The following TRPC7 variants were observed in gnomAD, a reference collection of about 807,000 sequenced individuals.
The protein encoded by TRPC7 is transient receptor potential cation channel subfamily C member 7, also known as short transient receptor potential channel 7.
A neutral mutation model predicts 90.1 loss-of-function variants in TRPC7; 42 were observed. The ratio of observed to expected loss-of-function variants is 0.47; its 90% CI spans 0.36 to 0.60. The LOEUF (loss-of-function observed/expected upper bound fraction) is 0.60, where lower values mean the gene tolerates loss of function less well. TRPC7 is among the 20% of genes least tolerant of loss of function. The pLI is 0.00. For missense variants in TRPC7, 955 were observed against 1,112.3 expected (o/e 0.86, Z 2.01); for synonymous variants, 451 against 436.3 (o/e 1.03, Z -0.42).
intron 2 of TRPC7, among the ~76,000 whole-genome samples, chr5:136,353,821 G>A (rs972615552): frequency 3.3e-5 from 5 of 152,120 alleles, no homozygotes; most frequent in South Asian, 2.1e-4. Context: ...TTTTCATCAC[G>A]TTACTGGTGT....
At chr5:136,331,987 G>C (rs1759515916) in intron 2 of TRPC7, among the ~76,000 whole-genome samples, 1 of 152,116 alleles carries the variant, frequency 6.6e-6, no homozygotes, top group Admixed American at 6.6e-5. Flanking sequence ...CAGTGGCTGG[G>C]GGAAACTTGC....
At chr5:136,328,849 T>C (rs1381277421) in intron 2 of TRPC7, among the ~76,000 whole-genome samples, 1 of 152,242 alleles carries the variant, frequency 6.6e-6, no homozygotes, top group Non-Finnish European at 1.5e-5. Flanking sequence ...CCTCATTGGA[T>C]TTATTTCCAG....
intron 2 of TRPC7, among the ~76,000 whole-genome samples, chr5:136,333,565 T>C (rs773949902): frequency 1.2e-4 from 19 of 152,228 alleles, no homozygotes; most frequent in Non-Finnish European, 1.6e-4. Flanking sequence ...CATGCTGTCC[T>C]TCTGGCCTTA....
chr5:136,269,849 G>T (rs1757152351), intron 4 of TRPC7, among the ~76,000 whole-genome samples: 1 of 152,152 alleles, frequency 6.6e-6, no homozygotes, highest in Non-Finnish European at 1.5e-5. Context: ...GATAGTGGTG[G>T]TGTTACTGGG....
chr5:136,335,381 T>C (rs775284663), intron 2 of TRPC7, among the ~76,000 whole-genome samples: 1 of 152,058 alleles, frequency 6.6e-6, no homozygotes, highest in Non-Finnish European at 1.5e-5. Context: ...ACTTAGCCCT[T>C]GGAGCTGGAA....
Position 136,344,398 on chromosome 5 carries a change from G to A in TRPC7, c.780+12210C>T, listed in dbSNP as rs749835988. Among the ~76,000 whole-genome samples the A allele has an allele frequency of 1.8e-4, 28 of 152,192 alleles. No homozygotes were observed. In the Middle Eastern group the frequency reaches 0.014, roughly 74 times the overall value. ...CCCCTGTGACATGCAATATACCTAC[G>A]TAATAAATATGCACATGTATCCCTG... On this transcript the variant is annotated intron_variant, in intron 2 of 11. Transcript: ENST00000513104.
chr5:136,324,658 G>A (rs1346580066), intron 2 of TRPC7, among the ~76,000 whole-genome samples: 1 of 152,082 alleles, frequency 6.6e-6, no homozygotes, highest in African/African-American at 2.4e-5. Context: ...TGATGATAGG[G>A]CCATTGTTTT....
chr5:136,222,735 GAA>G (rs1390935896), intron 10 of TRPC7, among the ~76,000 whole-genome samples: 1 of 152,218 alleles, frequency 6.6e-6, no homozygotes, highest in Non-Finnish European at 1.5e-5. Flanking sequence ...GCAAAACTAC[GAA>G]GATAAATAAT....
In TRPC7 at chr5:136,334,578, T is replaced by C. The variant is rs188881526; in HGVS notation, c.781-18799A>G. Among the ~76,000 whole-genome samples the C allele has an allele frequency of 1.6e-4, 24 of 152,306 alleles. 1 individual carries two copies. The East Asian group carries it at 4.2e-3, about 27-fold the overall frequency. ...AGCTCAAAAGCAACTCCAGGATGGCTTTTCTGTATCCCTGAGGAAATCCAC... is the reference window on the plus strand; with the variant it reads ...AGCTCAAAAGCAACTCCAGGATGGCCTTTCTGTATCCCTGAGGAAATCCAC... On this transcript the variant is annotated intron_variant, in intron 2 of 11. Coordinates refer to ENST00000513104, the MANE Select transcript of TRPC7 (RefSeq NM_020389.3).
chr5:136,215,909 G>A (rs1317218836), intron 11 of TRPC7, among the ~76,000 whole-genome samples: 1 of 152,138 alleles, frequency 6.6e-6, no homozygotes, highest in African/African-American at 2.4e-5. Flanking sequence ...GGCAAATGGA[G>A]TGTGAGGGTG....
intron 5 of TRPC7, among the ~76,000 whole-genome samples, chr5:136,253,898 T>C (rs1050528660): frequency 2.6e-5 from 4 of 152,180 alleles, no homozygotes; most frequent in African/African-American, 9.7e-5. Flanking sequence ...GTGCCAGACA[T>C]CTAAGTTCTG....
intron 5 of TRPC7, among the ~76,000 whole-genome samples, chr5:136,255,989 C>T (rs369453240): frequency 3.1e-4 from 47 of 152,142 alleles, no homozygotes; most frequent in Non-Finnish European, 4.7e-4. Context: ...AAGAGTCTTA[C>T]GACTACTCAG....
Position 136,297,163 on chromosome 5 carries a change from C to T in TRPC7, c.963+18434G>A, listed in dbSNP as rs182650440. On this transcript the variant is annotated intron_variant, in intron 3 of 11. Transcript: ENST00000513104. Reference sequence around the variant, plus strand: ...TGAACCTCCTCCTGTTCCATGGTTTCCCACACCATTTTCACCTGAATTAGT... The same window carrying T: ...TGAACCTCCTCCTGTTCCATGGTTTTCCACACCATTTTCACCTGAATTAGT... Among the ~76,000 whole-genome samples, 429 of 152,288 alleles carry T rather than the reference C, an allele frequency of 2.8e-3. 3 individuals are homozygous for T. The highest frequency in any genetic ancestry group is 1.0e-2 in the African/African-American group (415 of 41,564).
intron 10 of TRPC7, among the ~76,000 whole-genome samples, chr5:136,221,091 A>ATGTG (rs925069517): frequency 2.8e-5 from 4 of 143,846 alleles, no homozygotes; most frequent in African/African-American, 2.6e-5. Flanking sequence ...TGTGGGGGAA[A>ATGTG]TGTGTGTGTG....
At chr5:136,335,101 T>G (rs544751730) in intron 2 of TRPC7, among the ~76,000 whole-genome samples, 1 of 152,330 alleles carries the variant, frequency 6.6e-6, no homozygotes, top group Non-Finnish European at 1.5e-5. Flanking sequence ...GAAGTAAGAT[T>G]GATATCCACT....
intron 5 of TRPC7, among the ~76,000 whole-genome samples, chr5:136,256,325 A>T (rs1756682764): frequency 6.6e-6 from 1 of 152,126 alleles, no homozygotes; most frequent in African/African-American, 2.4e-5. Flanking sequence ...TCTGACCTCA[A>T]GTTAGTGCAT....
intron 3 of TRPC7, among the ~76,000 whole-genome samples, chr5:136,302,353 G>A (rs773590327): frequency 2.4e-4 from 37 of 152,060 alleles, no homozygotes; most frequent in South Asian, 1.2e-3. Flanking sequence ...GGCAAGTCCC[G>A]CTTTTCTGGG....
At chr5:136,293,076 T>A (rs1417685853) in intron 3 of TRPC7, among the ~76,000 whole-genome samples, 3 of 152,146 alleles carry the variant, frequency 2.0e-5, no homozygotes, top group African/African-American at 7.2e-5. Context: ...AGAAAAGGCC[T>A]TTGGCAAAAT....
chr5:136,266,257 G>A lies in TRPC7; in HGVS notation c.1308C>T (p.Phe436=). 1 of 1,613,912 alleles carries A rather than the reference G, an allele frequency of 6.2e-7. No individual in the cohort carries two copies. Among genetic ancestry groups the A allele is most frequent in the Non-Finnish European group, 8.5e-7 (1 of 1,179,822 alleles). Residue 436 remains phenylalanine (F), a synonymous_variant, in exon 5 of 12, where the codon TTC becomes TTT. Coordinates refer to ENST00000513104, the MANE Select transcript of TRPC7 (RefSeq NM_020389.3). The stretch of plus-strand genomic sequence containing the variant: ...TCATAATGAGCATTTCTGTCCAGGA[G>A]AACTGTGTGGTTTTCACTCTGAAGA... ...KQIFRVKTTQ[F]SWTEMLIMKW...
Sources: allele counts gnomAD v4.1 joint callset (sites outside exome capture counted in the v4.1 genomes callset), GRCh38; gene constraint gnomAD v4.1.1; transcripts MANE v1.5; gene names NCBI Gene and HGNC (gene_info 2026-07-23, HGNC 2026-07-21).